The following ZHX1 variants were observed in gnomAD, a reference collection of about 807,000 sequenced individuals.
ZHX1 encodes zinc fingers and homeoboxes 1.
In ZHX1, 20 loss-of-function variants were observed where a neutral mutation model predicts 61.8. That is an observed-to-expected ratio of 0.32 (90% CI 0.23 to 0.47). The LOEUF (loss-of-function observed/expected upper bound fraction) is 0.47, where lower values mean the gene tolerates loss of function less well. ZHX1 is among the 20% of genes least tolerant of loss of function. ZHX1 has a pLI of 1.00. For missense variants in ZHX1, 800 were observed against 1,034.8 expected (o/e 0.77, Z 3.11); for synonymous variants, 318 against 352.6 (o/e 0.90, Z 1.10).
At chr8:123,258,766 C>T (rs1171374999) in intron 2 of ZHX1, among the ~76,000 whole-genome samples, 3 of 151,892 alleles carry the variant, frequency 2.0e-5, no homozygotes, top group Non-Finnish European at 4.4e-5. Flanking sequence ...GAATTAGGAT[C>T]ATAAAATATA....
chr8:123,253,861 C>T lies in ZHX1; in HGVS notation c.2086G>A (p.Glu696Lys). Residue 696 changes from glutamate (E) to lysine (K), a missense_variant, in exon 3 of 4, where the codon GAA (glutamate) becomes AAA (lysine). By Grantham distance (56) the Glu-to-Lys change is moderately conservative. Transcript: ENST00000395571. The stretch of plus-strand genomic sequence containing the variant: ...ATGTCTGTTCTAGCAAGCCCGCTTT[C>T]TTTGGCCAACTTGTCATACTCTTCT... ...SPEEYDKLAK[E>K]SGLARTDIVS... 2 of 1,614,206 alleles carry T rather than the reference C, an allele frequency of 1.2e-6. No individual in the cohort carries two copies. The highest frequency in any genetic ancestry group is 1.7e-6 in the Non-Finnish European group (2 of 1,180,028).
At position 123,249,631 on chromosome 8, in the gene ZHX1, C is replaced by T. The variant is rs984940399; in HGVS notation, c.*693G>A. The T allele has an allele frequency of 6.6e-6, 1 of 152,068 alleles. No individual in the cohort carries two copies. Among genetic ancestry groups the T allele is most frequent in the African/African-American group, 2.4e-5 (1 of 41,416 alleles). The allele number at this position is 152,068 out of a possible 1,614,324, so 9.4% of individuals were successfully genotyped here. ...AGTTTAATAAAAAGCAAATCAGCTT[C>T]TAATGGAACAAGTAACAGTAGAAAC... On this transcript the variant is annotated 3_prime_UTR_variant, in exon 4 of 4. Transcript: ENST00000395571.
chr8:123,258,499 A>G (rs1396949907), intron 2 of ZHX1, among the ~76,000 whole-genome samples: 18 of 152,220 alleles, frequency 1.2e-4, no homozygotes, highest in Admixed American at 1.2e-3. Flanking sequence ...CAAACTCTGG[A>G]TTGAGCCAAG....
intron 1 of ZHX1, among the ~76,000 whole-genome samples, chr8:123,270,262 T>A (rs58047538): frequency 0.024 from 3,668 of 152,080 alleles, 139 homozygotes; most frequent in African/African-American, 0.083. Flanking sequence ...TCTTCTTTCA[T>A]TTCTCACTAA....
Position 123,254,542 on chromosome 8 carries a change from C to T in ZHX1, c.1405G>A (p.Ala469Thr). 1 of 1,613,698 alleles carries T rather than the reference C, an allele frequency of 6.2e-7. No individual in the cohort carries two copies. Residue 469 changes from alanine (A) to threonine (T), a missense_variant, in exon 3 of 4, where the codon GCA becomes ACA. By Grantham distance (58) the Ala-to-Thr change is moderately conservative (BLOSUM62 0). Transcript: ENST00000395571. The surrounding 1 kb of genome is among the most constrained non-coding windows in gnomAD (Gnocchi z 4.1). ...LVNPDSFGIR[A>T]KKTKEQLAEL... Reference sequence around the variant, plus strand: ...GCCAGTTGCTCTTTTGTCTTTTTTGCCCGAATGCCAAATGAATCAGGGTTT... The same window carrying T: ...GCCAGTTGCTCTTTTGTCTTTTTTGTCCGAATGCCAAATGAATCAGGGTTT...
intron 2 of ZHX1, chr8:123,262,981 G>T (rs1384949980): frequency 6.7e-6 from 1 of 149,094 alleles, no homozygotes; most frequent in Non-Finnish European, 1.5e-5. Flanking sequence ...AGGAAGAGAG[G>T]AAAGTAGGAA....
At chr8:123,262,245 T>C (rs888288235) in intron 2 of ZHX1, among the ~76,000 whole-genome samples, 1 of 152,234 alleles carries the variant, frequency 6.6e-6, no homozygotes, top group Non-Finnish European at 1.5e-5. Context: ...GAAGTGTTTT[T>C]AGAAAACTGA....
At chr8:123,251,532 T>C (rs1301653817) in intron 3 of ZHX1, among the ~76,000 whole-genome samples, 1 of 151,886 alleles carries the variant, frequency 6.6e-6, no homozygotes, top group East Asian at 1.9e-4. Context: ...TACAGAAAAA[T>C]TCACATTATT....
intron 3 of ZHX1, among the ~76,000 whole-genome samples, chr8:123,252,100 AC>A (rs1825936212): frequency 6.6e-6 from 1 of 152,176 alleles, no homozygotes; most frequent in Non-Finnish European, 1.5e-5. Context: ...AAGCATGCTC[AC>A]GTATAAAATA....
rs1024821758 is a variant in ZHX1, at chr8:123,253,772, G to A, written c.2175C>T (p.Tyr725=). 4 of 1,614,230 alleles carry A rather than the reference G, an allele frequency of 2.5e-6. No individual in the cohort carries two copies. Among genetic ancestry groups the A allele is most frequent in the Non-Finnish European group, 2.5e-6 (3 of 1,180,044 alleles). The part of the protein sequence containing the change: ...WKNGNLKWYY[Y]YQSANSSSMN... ...TACTACTTGAATTGGCGCTCTGATAGTAGTAGTACCATTTCAAGTTTCCAT... is the reference window on the plus strand; with the variant it reads ...TACTACTTGAATTGGCGCTCTGATAATAGTAGTACCATTTCAAGTTTCCAT... The change falls in exon 3 of 4, where the codon TAC becomes TAT. Residue 725 remains tyrosine (Y), a synonymous_variant. Coordinates refer to ENST00000395571, the MANE Select transcript of ZHX1 (RefSeq NM_007222.5).
intron 3 of ZHX1, among the ~76,000 whole-genome samples, chr8:123,251,815 C>T (rs1288407254): frequency 4.6e-5 from 7 of 152,150 alleles, no homozygotes. Flanking sequence ...ACATTATACC[C>T]TATAACCTGG....
intron 2 of ZHX1, among the ~76,000 whole-genome samples, chr8:123,259,386 A>AT (rs566495959): frequency 2.4e-4 from 36 of 149,208 alleles, no homozygotes; most frequent in South Asian, 4.3e-4. Flanking sequence ...AGGGGTTGCC[A>AT]TTTTTTTTTT....
rs1256990632 is a variant in ZHX1 at position 123,253,382 on chromosome 8, A to G, written c.2565T>C (p.Ser855=). 6.2e-7 allele frequency: 1 copy of G among 1,613,566 alleles called. No individual in the cohort carries two copies. Among genetic ancestry groups the G allele is most frequent in the African/African-American group, 1.3e-5 (1 of 74,908 alleles). ...QEEDEEETDD[S]DTWEPPRHVK... Reference sequence around the variant, plus strand: ...CATGTCGTGGAGGTTCCCAAGTGTCACTATCATCTGTTTCTTCTTCATCCT... The same window carrying G: ...CATGTCGTGGAGGTTCCCAAGTGTCGCTATCATCTGTTTCTTCTTCATCCT... The change falls in exon 3 of 4, where the codon AGT becomes AGC. Residue 855 remains serine, a synonymous_variant. Transcript: ENST00000395571.
At chr8:123,275,305 G>A (rs10282889), upstream of ZHX1, 93 of 152,604 alleles carry the variant, frequency 6.1e-4, no homozygotes, top group African/African-American at 2.2e-3. Flanking sequence ...TCAGAACGTG[G>A]AGGAACAGAA....
chr8:123,269,989 TTC>T (rs1253105397), intron 1 of ZHX1, among the ~76,000 whole-genome samples: 2 of 152,202 alleles, frequency 1.3e-5, no homozygotes, highest in East Asian at 3.8e-4. Flanking sequence ...CACAAACTTT[TTC>T]TGACCTTAGC....
In ZHX1 at chr8:123,256,013, C is replaced by G; in HGVS notation, c.-67G>C. ...TCGAGGCTTAAAACTGTTCAGTGTTCTTCATTTGAAAACAATGGCTTTTGG... is the reference window on the plus strand; with the variant it reads ...TCGAGGCTTAAAACTGTTCAGTGTTGTTCATTTGAAAACAATGGCTTTTGG... On this transcript the variant is annotated 5_prime_UTR_variant, in exon 3 of 4. Coordinates refer to ENST00000395571, the MANE Select transcript of ZHX1 (RefSeq NM_007222.5). 2.1e-6 allele frequency: 3 copies of G among 1,431,730 alleles called. No homozygotes were observed. The highest frequency in any genetic ancestry group is 2.8e-6 in the Non-Finnish European group (3 of 1,069,950). 88.7% of individuals were successfully genotyped at this position (1,431,730 alleles called of 1,614,324 possible). A position where few individuals can be genotyped will look rare whatever the true frequency, so the allele number is the denominator to read the frequency against.
upstream of ZHX1, among the ~76,000 whole-genome samples, chr8:123,275,064 C>T (rs910494451): frequency 6.6e-6 from 1 of 152,244 alleles, no homozygotes; most frequent in Non-Finnish European, 1.5e-5. Flanking sequence ...AGTTCAGCTG[C>T]ACTCAGAACC....
At chr8:123,260,532 A>C (rs1014472010) in intron 2 of ZHX1, among the ~76,000 whole-genome samples, 7 of 150,696 alleles carry the variant, frequency 4.6e-5, no homozygotes, top group African/African-American at 1.7e-4. Context: ...CGGGAGGTGG[A>C]GGTTGCAGTG....
chr8:123,259,274 AAC>A (rs1410061634), intron 2 of ZHX1, among the ~76,000 whole-genome samples: 1 of 152,224 alleles, frequency 6.6e-6, no homozygotes, highest in Non-Finnish European at 1.5e-5. Context: ...TTTTCTTTAA[AAC>A]ACTCTTGATT....
Sources: gnomAD v4.1 joint callset for allele counts (sites outside exome capture counted in the v4.1 genomes callset) on GRCh38, gnomAD v4.1.1 for gene constraint, Gnocchi (gnomAD v3.1) non-coding constraint, MANE v1.5 for transcripts, NCBI Gene and HGNC (gene_info 2026-07-23, HGNC 2026-07-21) for gene names.